The following ASCC3 variants were observed in gnomAD, a reference collection of about 807,000 sequenced individuals.
The protein encoded by ASCC3 is ASC-1 complex subunit P200.
Under a neutral mutation model 256.3 loss-of-function variants are expected in ASCC3, and 158 were observed. That is an observed-to-expected ratio of 0.62 (90% CI 0.54 to 0.70). The LOEUF is 0.70. Among genes scored for constraint, ASCC3 ranks in the 30% least tolerant of loss-of-function variants. ASCC3 has a pLI of 0.00. For missense variants in ASCC3, 2,259 were observed against 2,626.0 expected (o/e 0.86, Z 3.05); for synonymous variants, 948 against 883.4 (o/e 1.07, Z -1.30).
intron 36 of ASCC3, among the ~76,000 whole-genome samples, chr6:100,579,962 G>A (rs1453781927): frequency 6.6e-6 from 1 of 152,130 alleles, no homozygotes; most frequent in Non-Finnish European, 1.5e-5. Flanking sequence ...TCATGAATAC[G>A]AAAGGTTTTT....
At chr6:100,676,243 C>G (rs1159817504) in intron 14 of ASCC3, among the ~76,000 whole-genome samples, 2 of 152,044 alleles carry the variant, frequency 1.3e-5, no homozygotes, top group African/African-American at 4.8e-5. Context: ...GAAGTTTTAT[C>G]ATTGTTCAGT....
chr6:100,859,563 T>A (rs1773125074), intron 3 of ASCC3, among the ~76,000 whole-genome samples: 1 of 152,038 alleles, frequency 6.6e-6, no homozygotes, highest in African/African-American at 2.4e-5. Context: ...TTCCAGTCAT[T>A]GCTTTATAAA....
intron 14 of ASCC3, among the ~76,000 whole-genome samples, chr6:100,663,063 C>T (rs1228814016): frequency 6.6e-6 from 1 of 152,032 alleles, no homozygotes; most frequent in African/African-American, 2.4e-5. Flanking sequence ...TTGAGGACTT[C>T]TCCCTTCTTA....
At chr6:100,768,621 C>T (rs1419203369) in intron 8 of ASCC3, among the ~76,000 whole-genome samples, 1 of 152,020 alleles carries the variant, frequency 6.6e-6, no homozygotes, top group Non-Finnish European at 1.5e-5. Flanking sequence ...TAGGCAAATC[C>T]ACAATTACAA....
intron 2 of ASCC3, among the ~76,000 whole-genome samples, chr6:100,866,955 T>A (rs575304535): frequency 1.6e-4 from 24 of 152,350 alleles, no homozygotes; most frequent in Admixed American, 6.5e-4. Context: ...AGTCTTGATA[T>A]CATATGCTTT....
At position 100,512,938 on chromosome 6, in the gene ASCC3, AAAC is replaced by A; in HGVS notation, c.6076-23_6076-21del. 4 of 1,604,362 alleles carry A rather than the reference AAAC, an allele frequency of 2.5e-6. No individual in the cohort carries two copies. Among genetic ancestry groups the A allele is most frequent in the Non-Finnish European group, 3.4e-6 (4 of 1,173,586 alleles). Reference sequence around the variant, plus strand: ...CCATGCCTAAATAAAAAGAGAAAAGAAACAATAAAGGAGGAGTTTATGTGAAAT... The same window carrying A: ...CCATGCCTAAATAAAAAGAGAAAAGAAATAAAGGAGGAGTTTATGTGAAAT... On this transcript the variant is annotated intron_variant, in intron 39 of 41. Transcript: ENST00000369162.
At chr6:100,690,827 C>T (rs71566348) in intron 13 of ASCC3, among the ~76,000 whole-genome samples, 1,709 of 152,214 alleles carry the variant, frequency 0.011, 12 homozygotes, top group Non-Finnish European at 0.015. Flanking sequence ...CAGTTCAGAG[C>T]CAGCTCAGGA....
At chr6:100,665,049 G>C (rs2114937229) in intron 14 of ASCC3, among the ~76,000 whole-genome samples, 1 of 152,262 alleles carries the variant, frequency 6.6e-6, no homozygotes, top group East Asian at 1.9e-4. Flanking sequence ...TGGCACCAAT[G>C]ACACAGTAAG....
chr6:100,828,107 A>AAAC (rs1554239583), intron 4 of ASCC3, among the ~76,000 whole-genome samples: 12 of 151,000 alleles, frequency 7.9e-5, no homozygotes, highest in East Asian at 3.9e-4. Flanking sequence ...AAAAAAAAAA[A>AAAC]ACGAAAAAAA....
In ASCC3 at chr6:100,652,908, A is replaced by C; in HGVS notation, c.2824-19T>G. ...GGTCAATCTATGGCAAAAAATATAT[A>C]AACAGTTGAATAGTGCTTTAGAGAG... On this transcript the variant is annotated intron_variant, in intron 17 of 41. Transcript: ENST00000369162. 6.2e-7 allele frequency: 1 copy of C among 1,608,766 alleles called. No individual in the cohort carries two copies. The highest frequency in any genetic ancestry group is 8.5e-7 in the Non-Finnish European group (1 of 1,175,444).
chr6:100,670,478 T>C (rs1776687182), intron 14 of ASCC3, among the ~76,000 whole-genome samples: 1 of 151,868 alleles, frequency 6.6e-6, no homozygotes, highest in Non-Finnish European at 1.5e-5. Flanking sequence ...ACAATGTAAG[T>C]GTTATATAAG....
intron 29 of ASCC3, among the ~76,000 whole-genome samples, chr6:100,626,730 T>TA (rs1425151815): frequency 2.0e-5 from 3 of 152,130 alleles, no homozygotes; most frequent in Admixed American, 6.6e-5. Flanking sequence ...ATATTAGAGA[T>TA]ACACCATTTA....
intron 2 of ASCC3, among the ~76,000 whole-genome samples, chr6:100,865,367 A>G (rs1773427521): frequency 6.6e-6 from 1 of 152,188 alleles, no homozygotes; most frequent in Non-Finnish European, 1.5e-5. Flanking sequence ...GTACTTACAC[A>G]CTTTTAAATT....
intron 3 of ASCC3, among the ~76,000 whole-genome samples, chr6:100,863,149 G>A (rs1337328388): frequency 1.3e-5 from 2 of 152,172 alleles, no homozygotes; most frequent in Non-Finnish European, 2.9e-5. Flanking sequence ...TGTTAATTAT[G>A]CTTTTTAGTT....
chr6:100,652,379 G>C (rs1775714913), intron 18 of ASCC3, among the ~76,000 whole-genome samples: 2 of 152,140 alleles, frequency 1.3e-5, no homozygotes, highest in Admixed American at 6.5e-5. Flanking sequence ...GAAACCTAAA[G>C]TGCTATACAA....
chr6:100,603,675 AT>A (rs950192873), intron 33 of ASCC3, among the ~76,000 whole-genome samples: 5 of 151,908 alleles, frequency 3.3e-5, no homozygotes, highest in African/African-American at 1.2e-4. Flanking sequence ...AATTTCATCA[AT>A]TTTTTTTACA....
At chr6:100,591,754 C>G (rs1182537556) in intron 34 of ASCC3, among the ~76,000 whole-genome samples, 2 of 151,830 alleles carry the variant, frequency 1.3e-5, no homozygotes, top group East Asian at 1.9e-4. Flanking sequence ...TTTTATCTAT[C>G]CATTTACTAG....
intron 1 of ASCC3, among the ~76,000 whole-genome samples, chr6:100,876,155 G>C (rs1034841719): frequency 6.6e-6 from 1 of 152,022 alleles, no homozygotes; most frequent in African/African-American, 2.4e-5. Flanking sequence ...GAAGGAGTAC[G>C]GAAGGAAGGA....
chr6:100,582,890 T>C (rs1382938311), intron 36 of ASCC3, among the ~76,000 whole-genome samples: 2 of 152,222 alleles, frequency 1.3e-5, no homozygotes, highest in Non-Finnish European at 2.9e-5. Flanking sequence ...GGATTACATT[T>C]ATTGATTTGC....
Sources: gnomAD v4.1 joint callset for allele counts (sites outside exome capture counted in the v4.1 genomes callset) on GRCh38, gnomAD v4.1.1 for gene constraint, MANE v1.5 for transcripts, NCBI Gene and HGNC (gene_info 2026-07-23, HGNC 2026-07-21) for gene names.